METTL22: variants seen among roughly 807,000 people sequenced by gnomAD.
METTL22 encodes the protein methyltransferase 22, Kin17 lysine, also known as methyltransferase-like protein 22.
In METTL22, 51 loss-of-function variants were observed where a neutral mutation model predicts 48.4. That is an observed-to-expected ratio of 1.05 (90% CI 0.84 to 1.33). The LOEUF is 1.33. Ranked by LOEUF, METTL22 falls within the 40% of genes most tolerant of loss-of-function variation. The pLI, the probability that METTL22 is intolerant of heterozygous loss-of-function variation, is 0.00. For synonymous variants in METTL22, 255 were observed against 214.1 expected (o/e 1.19, Z -1.67); for missense variants, 678 against 526.9 (o/e 1.29, Z -2.81).
At chr16:8,659,893 T>A in the METTL22 span, among the ~76,000 whole-genome samples, 1 of 151,968 alleles carries the variant, frequency 6.6e-6, no homozygotes, top group African/African-American at 2.4e-5. Flanking sequence ...CCCAGCTAAT[T>A]TTTTGTATTT....
rs1221301050 is a variant in METTL22 at position 8,635,161 on chromosome 16, C to T, written c.556-7C>T. ...CTGCTTGTCGCTCCTTGTCCTCTTCCCTCCAGGTGTGGCGGGGCGCCCTGC... is the reference window on the plus strand; with the variant it reads ...CTGCTTGTCGCTCCTTGTCCTCTTCTCTCCAGGTGTGGCGGGGCGCCCTGC... On this transcript the variant is annotated splice_polypyrimidine_tract_variant and splice_region_variant and intron_variant, in intron 4 of 10. Coordinates refer to ENST00000381920, the MANE Select transcript of METTL22 (RefSeq NM_024109.4). 2 of 1,613,066 alleles carry T rather than the reference C, an allele frequency of 1.2e-6. No individual in the cohort carries two copies. Among genetic ancestry groups the T allele is most frequent in the African/African-American group, 1.3e-5 (1 of 74,926 alleles).
At chr16:8,632,369 A>T (rs1435750656) in intron 3 of METTL22, among the ~76,000 whole-genome samples, 1 of 152,022 alleles carries the variant, frequency 6.6e-6, no homozygotes, top group Non-Finnish European at 1.5e-5. Flanking sequence ...TTTTGTTTCT[A>T]TTTGGCTTTA....
chr16:8,650,467 C>T (rs998325215), downstream of METTL22, among the ~76,000 whole-genome samples: 1 of 152,322 alleles, frequency 6.6e-6, no homozygotes, highest in Admixed American at 6.5e-5. Flanking sequence ...AATAGTAAAA[C>T]TTCTTGATAG....
At chr16:8,638,556 C>G (rs1252234647) in intron 5 of METTL22, among the ~76,000 whole-genome samples, 3 of 152,038 alleles carry the variant, frequency 2.0e-5, no homozygotes, top group African/African-American at 7.2e-5. Flanking sequence ...TGGGCTCAGC[C>G]TGTTTGAATC....
chr16:8,646,168 G>T lies in METTL22; in HGVS notation c.*25G>T. ...ACCCATCGCCTCCACAAGGCGCGGC[G>T]TCTCGACTGTTCTTAGAGTGTATTT... On this transcript the variant is annotated 3_prime_UTR_variant, in exon 11 of 11. Transcript: ENST00000381920. 1.9e-6 allele frequency: 3 copies of T among 1,613,808 alleles called. No individual in the cohort carries two copies. Among genetic ancestry groups the T allele is most frequent in the Non-Finnish European group, 2.5e-6 (3 of 1,179,690 alleles).
intron 1 of METTL22, among the ~76,000 whole-genome samples, chr16:8,623,423 C>T (rs1001917432): frequency 9.9e-5 from 15 of 152,120 alleles, no homozygotes; most frequent in Admixed American, 5.9e-4. Context: ...TCAAAAAAAA[C>T]TGTATGTGAA....
At chr16:8,627,138 G>A (rs113747495) in intron 2 of METTL22, among the ~76,000 whole-genome samples, 15 of 151,840 alleles carry the variant, frequency 9.9e-5, no homozygotes, top group South Asian at 2.1e-4. Context: ...CACCCTCCCC[G>A]CTTATCTCTG....
intron 3 of METTL22, 76 bp downstream of exon 3, chr16:8,629,186 C>A (rs560502101): frequency 1.3e-6 from 2 of 1,544,226 alleles, no homozygotes; most frequent in Non-Finnish European, 8.7e-7. Flanking sequence ...TCAGTATGAT[C>A]TGAGCGTGGA....
chr16:8,658,622 T>C, the METTL22 span, among the ~76,000 whole-genome samples: 1 of 152,202 alleles, frequency 6.6e-6, no homozygotes, highest in South Asian at 2.1e-4. Context: ...TATCCTGAGA[T>C]GCTGTGAGGG....
Position 8,625,640 on chromosome 16 carries a change from C to A in METTL22, c.-26C>A. ...ATTCTCACCTCTGAGGGACTCCTGTCCTAGGACTAAGGTGGAGCCTGGGCC... is the reference window on the plus strand; with the variant it reads ...ATTCTCACCTCTGAGGGACTCCTGTACTAGGACTAAGGTGGAGCCTGGGCC... On this transcript the variant is annotated 5_prime_UTR_variant, in exon 2 of 11. Transcript: ENST00000381920. 6.2e-7 allele frequency: 1 copy of A among 1,613,622 alleles called. No homozygotes were observed. Among genetic ancestry groups the A allele is most frequent in the South Asian group, 1.1e-5 (1 of 91,046 alleles).
At chr16:8,632,311 TAG>T (rs1426598816) in intron 3 of METTL22, among the ~76,000 whole-genome samples, 1 of 152,196 alleles carries the variant, frequency 6.6e-6, no homozygotes, top group African/African-American at 2.4e-5. Context: ...AAGCACATCT[TAG>T]ATCAGTTCTT....
chr16:8,646,001 T>C, intron 10 of METTL22, 107 bp from the exon 11 acceptor site: 1 of 1,539,962 alleles, frequency 6.5e-7, no homozygotes, highest in Non-Finnish European at 8.7e-7. Context: ...GCTCCGTGGC[T>C]GACGTGTTGT....
chr16:8,629,219 G>A, intron 3 of METTL22, 109 bp downstream of exon 3: 1 of 1,429,564 alleles, frequency 7.0e-7, no homozygotes, highest in East Asian at 2.3e-5. Flanking sequence ...AGGCAGCACA[G>A]GTTATGAGAA....
chr16:8,663,225 A>AAAAAAAAAAAAAAGT, the METTL22 span, among the ~76,000 whole-genome samples: 5 of 123,440 alleles, frequency 4.1e-5, no homozygotes, highest in East Asian at 2.4e-4. Flanking sequence ...AAAAAAAAAA[A>AAAAAAAAAAAAAAGT]GGTAGCCAAG....
At chr16:8,664,581 G>T in the METTL22 span, among the ~76,000 whole-genome samples, 1 of 152,076 alleles carries the variant, frequency 6.6e-6, no homozygotes, top group Admixed American at 6.6e-5. Context: ...GGCCTCCTGA[G>T]TAGCTAGGAC....
intron 7 of METTL22, chr16:8,641,484 CAGG>C (rs1567242311): frequency 1.8e-6 from 1 of 557,948 alleles, no homozygotes; most frequent in East Asian, 4.3e-5. Context: ...TGGTACACAG[CAGG>C]GTAGGGGCAT....
intron 7 of METTL22, chr16:8,641,859 G>A: frequency 1.8e-6 from 1 of 565,170 alleles, no homozygotes; most frequent in Non-Finnish European, 3.2e-6. Context: ...TGGGCCACAG[G>A]CCAAGGCAGC....
At chr16:8,636,311 G>C (rs2056419783) in intron 5 of METTL22, among the ~76,000 whole-genome samples, 1 of 152,170 alleles carries the variant, frequency 6.6e-6, no homozygotes, top group Non-Finnish European at 1.5e-5. Flanking sequence ...GAGGCAGGCA[G>C]ATCACCTGAG....
At chr16:8,651,490 G>T (rs551335071), downstream of METTL22, among the ~76,000 whole-genome samples, 1 of 147,914 alleles carries the variant, frequency 6.8e-6, no homozygotes, top group African/African-American at 2.7e-5. Flanking sequence ...TCCTAAGGTA[G>T]AGTTTTTGGC....
Sources: allele counts gnomAD v4.1 joint callset (sites outside exome capture counted in the v4.1 genomes callset), GRCh38; gene constraint gnomAD v4.1.1; transcripts MANE v1.5; gene names NCBI Gene and HGNC (gene_info 2026-07-23, HGNC 2026-07-21).